The following TMEM31 variants were observed in gnomAD, a reference collection of about 807,000 sequenced individuals.
TMEM31 encodes the protein testicular secretory protein Li 58.
TMEM31 carries 1 observed loss-of-function variant against 2.4 expected under a neutral mutation model. The observed-to-expected ratio is 0.42, with a 90% confidence interval of 0.15 to 1.97. The LOEUF (loss-of-function observed/expected upper bound fraction) is 1.97, where lower values mean the gene tolerates loss of function less well. Ranked by LOEUF, TMEM31 falls within the 30% of genes most tolerant of loss-of-function variation. TMEM31 has a pLI of 0.30. For missense variants in TMEM31, 119 were observed against 121.3 expected, an observed-to-expected ratio of 0.98 and a Z score of 0.09; for synonymous variants, 47 against 45.8, an observed-to-expected ratio of 1.03 and a Z score of -0.10.
In TMEM31 at chrX:103,713,641, C is replaced by T. The variant is rs771267846; in HGVS notation, c.150C>T (p.Ser50=). The change falls in exon 3 of 3, where the codon TCC becomes TCT. Residue 50 remains serine, a synonymous_variant. Transcript: ENST00000319560. Reference sequence around the variant, plus strand: ...CACAAAGAGCAGACACACAGCCATCCAGATGTCGATTGCCTTCACGTAGGA... The same window carrying T: ...CACAAAGAGCAGACACACAGCCATCTAGATGTCGATTGCCTTCACGTAGGA... ...QRTQRADTQP[S]RCRLPSRRTP... 3.3e-6 allele frequency: 4 copies of T among 1,210,604 alleles called. No individual in the cohort carries two copies. Among genetic ancestry groups the T allele is most frequent in the Non-Finnish European group, 4.5e-6 (4 of 895,435 alleles).
chrX:103,712,741 G>C (rs909295360), intron 2 of TMEM31, among the ~76,000 whole-genome samples: 2 of 111,543 alleles, frequency 1.8e-5, no homozygotes, highest in African/African-American at 6.5e-5. Flanking sequence ...ATGTTGGTCA[G>C]GCTGGTCTCG....
intron 2 of TMEM31, among the ~76,000 whole-genome samples, chrX:103,713,319 A>G (rs945298884): frequency 9.0e-6 from 1 of 111,107 alleles, no homozygotes. Context: ...CGAACTCCCG[A>G]CCACAGGTGA....
At chrX:103,712,406 T>C (rs942036242) in intron 2 of TMEM31, 46 bp downstream of exon 2, 3 of 1,047,248 alleles carry the variant, frequency 2.9e-6, no homozygotes, top group Non-Finnish European at 3.9e-6. Context: ...GGGGTCCTCT[T>C]ATAATGCTCC....
At chrX:103,713,246 A>C (rs980226731) in intron 2 of TMEM31, among the ~76,000 whole-genome samples, 1 of 111,376 alleles carries the variant, frequency 9.0e-6, no homozygotes, top group Non-Finnish European at 1.9e-5. Context: ...ATGCGCTACC[A>C]CGCCCGGCTA....
At chrX:103,711,483 C>CA (rs55932537) in intron 1 of TMEM31, among the ~76,000 whole-genome samples, 3,554 of 62,521 alleles carry the variant, frequency 0.057, 235 homozygotes, top group African/African-American at 0.17. Context: ...GACTCCGTCT[C>CA]AAAAAAAAAA....
At chrX:103,712,456 C>T (rs905108932) in intron 2 of TMEM31, 96 bp downstream of exon 2, 5 of 737,944 alleles carry the variant, frequency 6.8e-6, no homozygotes, top group Non-Finnish European at 9.7e-6. Context: ...AATTCTTAAC[C>T]ACCAATTAGT....
chrX:103,712,776 G>A (rs980494701), intron 2 of TMEM31, among the ~76,000 whole-genome samples: 6 of 111,663 alleles, frequency 5.4e-5, no homozygotes, highest in Non-Finnish European at 7.5e-5. Flanking sequence ...TGATCCACCC[G>A]CCTTGGCCTC....
rs1381755564 is a variant in TMEM31 at position 103,713,980 on chromosome X, C to T, written c.489C>T (p.Phe163=). The T allele has an allele frequency of 5.9e-6, 7 of 1,191,522 alleles. No individual in the cohort carries two copies. Among genetic ancestry groups the T allele is most frequent in the African/African-American group, 1.8e-5 (1 of 56,549 alleles). Residue 163 remains phenylalanine, a synonymous_variant, in exon 3 of 3, where the codon TTC becomes TTT. Coordinates refer to ENST00000319560, the MANE Select transcript of TMEM31 (RefSeq NM_182541.2). The part of the protein sequence containing the change: ...VLLLLLFIIV[F]ILIFF ...TGCTTCTGCTTTTTATTATTGTCTT[C>T]ATTCTGATCTTCTTCTGATTCTTTT...
chrX:103,712,268 A>C lies in TMEM31; in HGVS notation c.10A>C (p.Thr4Pro), dbSNP rs1447645914. 1 of 1,205,658 alleles carries C rather than the reference A, an allele frequency of 8.3e-7. No individual in the cohort carries two copies. Among genetic ancestry groups the C allele is most frequent in the East Asian group, 3.0e-5 (1 of 33,561 alleles). Residue 4 changes from threonine (T) to proline (P), a missense_variant, in exon 2 of 3, where the codon ACA (threonine) becomes CCA (proline). Transcript: ENST00000319560. ...CTTTACTGTAGAAGAAATGAGGTTA[A>C]CAGAAAAGAGTGAGGGAGAACAACA... The part of the protein sequence containing the change: MRL[T>P]EKSEGEQQLK...
intron 2 of TMEM31, among the ~76,000 whole-genome samples, chrX:103,712,581 G>A (rs1376530144): frequency 3.6e-5 from 4 of 111,886 alleles, no homozygotes; most frequent in Admixed American, 1.9e-4. Flanking sequence ...GTCTCACTCT[G>A]TTGCCCAGGC....
At chrX:103,712,197 T>C (rs1209305510) in intron 1 of TMEM31, 39 bp from the exon 2 acceptor site, 8 of 1,078,784 alleles carry the variant, frequency 7.4e-6, no homozygotes, top group African/African-American at 1.9e-5. Flanking sequence ...AAACTGCCTC[T>C]GTTGTCATGA....
intron 1 of TMEM31, among the ~76,000 whole-genome samples, chrX:103,711,286 C>T (rs952123349): frequency 1.4e-4 from 15 of 110,282 alleles, no homozygotes; most frequent in African/African-American, 4.9e-4. Flanking sequence ...ATATCGAGAC[C>T]ATCCTGGCTA....
At chrX:103,711,326 T>C (rs781394104) in intron 1 of TMEM31, among the ~76,000 whole-genome samples, 2 of 109,579 alleles carry the variant, frequency 1.8e-5, no homozygotes, top group East Asian at 2.9e-4. Flanking sequence ...CTACTAAAAA[T>C]ACAGAAAATT....
At chrX:103,712,012 C>T (rs1398308661) in intron 1 of TMEM31, among the ~76,000 whole-genome samples, 1 of 111,633 alleles carries the variant, frequency 9.0e-6, no homozygotes, top group African/African-American at 3.3e-5. Context: ...AACATGGAGT[C>T]AGAGCTGAAG....
chrX:103,711,439 A>G (rs1173883497), intron 1 of TMEM31, among the ~76,000 whole-genome samples: 6 of 104,266 alleles, frequency 5.8e-5, no homozygotes, highest in East Asian at 6.0e-4. Context: ...AGCCCAGATC[A>G]CGCCACTGCA....
Position 103,711,433 on chromosome X carries a change from C to G in TMEM31, c.-24+357C>G, listed in dbSNP as rs7054633. Among the ~76,000 whole-genome samples the G allele has an allele frequency of 8.2e-3, 829 of 101,702 alleles. 8 individuals are homozygous for G. Among genetic ancestry groups the G allele is most frequent in the African/African-American group, 0.028 (760 of 26,979 alleles). The allele number at this position is 101,702 out of a possible 115,157, so 88.3% of individuals were successfully genotyped here. A position where few individuals can be genotyped will look rare whatever the true frequency, so the allele number is the denominator to read the frequency against. On this transcript the variant is annotated intron_variant, in intron 1 of 2. Coordinates refer to ENST00000319560, the MANE Select transcript of TMEM31 (RefSeq NM_182541.2). ...CGGGAGGCGGAGCTTGCAGTGAGCC[C>G]AGATCACGCCACTGCACTACAGCCT...
At chrX:103,713,506 C>T (rs1385120354) in intron 2 of TMEM31, 88 bp from the exon 3 acceptor site, 1 of 1,205,755 alleles carries the variant, frequency 8.3e-7, no homozygotes, top group African/African-American at 1.8e-5. Context: ...GGGCCGCTCC[C>T]TAGTTGTACT....
chrX:103,713,677 A>T lies in TMEM31; in HGVS notation c.186A>T (p.Thr62=). The T allele has an allele frequency of 8.3e-7, 1 of 1,212,048 alleles. No individual in the cohort carries two copies. The highest frequency in any genetic ancestry group is 3.0e-5 in the East Asian group (1 of 33,846). The change falls in exon 3 of 3, where the codon ACA becomes ACT. Residue 62 remains threonine (T), a synonymous_variant. Transcript: ENST00000319560. ...CRLPSRRTPT[T]SSDRTINLLE... is the part of the protein sequence containing the mutation. ...TGCCTTCACGTAGGACACCTACAAC[A>T]TCCAGCGACAGAACGATCAACCTTC...
At chrX:103,712,754 C>T (rs1032584463) in intron 2 of TMEM31, among the ~76,000 whole-genome samples, 1 of 111,748 alleles carries the variant, frequency 8.9e-6, no homozygotes, top group Non-Finnish European at 1.9e-5. Flanking sequence ...TGGTCTCGAA[C>T]TCCTAACCTT....
Sources: allele counts gnomAD v4.1 joint callset (sites outside exome capture counted in the v4.1 genomes callset), GRCh38; gene constraint gnomAD v4.1.1; transcripts MANE v1.5; gene names NCBI Gene and HGNC (gene_info 2026-07-23, HGNC 2026-07-21).